Variants in DYM observed in about 807,000 individuals in gnomAD.
DYM encodes dyggve-Melchior-Clausen syndrome protein.
A neutral mutation model predicts 93.1 loss-of-function variants in DYM; 78 were observed. That is an observed-to-expected ratio of 0.84 (90% CI 0.70 to 1.01). The LOEUF (loss-of-function observed/expected upper bound fraction) is 1.01, where lower values mean the gene tolerates loss of function less well. Among genes scored for constraint, DYM ranks in the 50% least tolerant of loss-of-function variants. DYM has a pLI of 0.00. For synonymous variants in DYM, 321 were observed against 319.7 expected, an observed-to-expected ratio of 1.00 and a Z score of -0.04; for missense variants, 789 against 845.0, an observed-to-expected ratio of 0.93 and a Z score of 0.82.
At chr18:49,134,131 GA>G (rs1382512920) in intron 15 of DYM, among the ~76,000 whole-genome samples, 2 of 152,160 alleles carry the variant, frequency 1.3e-5, no homozygotes, top group African/African-American at 4.8e-5. Context: ...ATTTACTGAA[GA>G]ATCTGGGTGG....
intron 17 of DYM, among the ~76,000 whole-genome samples, chr18:49,064,209 CAA>C (rs930277199): frequency 3.9e-4 from 60 of 152,262 alleles, no homozygotes; most frequent in Non-Finnish European, 1.3e-4. Context: ...CTAATCAGAA[CAA>C]CTGCCATGCC....
intron 5 of DYM, among the ~76,000 whole-genome samples, chr18:49,370,659 C>G (rs146370799): frequency 6.6e-6 from 1 of 151,820 alleles, no homozygotes; most frequent in Non-Finnish European, 1.5e-5. Context: ...CCCAGCTACT[C>G]GGGAGGCTAA....
chr18:49,459,679 C>T (rs2083307896), intron 1 of DYM, among the ~76,000 whole-genome samples: 1 of 152,096 alleles, frequency 6.6e-6, no homozygotes, highest in African/African-American at 2.4e-5. Context: ...CTTTGCTGGC[C>T]GATTACAATC....
chr18:49,376,976 C>T (rs2067561151), intron 5 of DYM, among the ~76,000 whole-genome samples: 1 of 152,148 alleles, frequency 6.6e-6, no homozygotes, highest in African/African-American at 2.4e-5. Context: ...AGTTGCTCAA[C>T]AGTATGTGTA....
chr18:49,121,215 A>G (rs2082350997), intron 15 of DYM, among the ~76,000 whole-genome samples: 1 of 152,234 alleles, frequency 6.6e-6, no homozygotes, highest in Non-Finnish European at 1.5e-5. Flanking sequence ...ACAAATGGTA[A>G]TGCTAGAAAT....
At chr18:49,259,456 A>G (rs1452330177) in intron 11 of DYM, among the ~76,000 whole-genome samples, 1 of 152,222 alleles carries the variant, frequency 6.6e-6, no homozygotes, top group Non-Finnish European at 1.5e-5. Flanking sequence ...CAGATAACCC[A>G]GTTTCTTCAA....
At chr18:49,171,579 T>TA (rs1190826504) in intron 14 of DYM, among the ~76,000 whole-genome samples, 19 of 151,646 alleles carry the variant, frequency 1.3e-4, no homozygotes, top group East Asian at 5.8e-4. Context: ...CAATAAAAAA[T>TA]TAAAAAAACC....
At chr18:49,275,208 T>C (rs1388035207) in intron 10 of DYM, among the ~76,000 whole-genome samples, 3 of 152,166 alleles carry the variant, frequency 2.0e-5, no homozygotes, top group Non-Finnish European at 4.4e-5. Context: ...GTGGCACCAG[T>C]ACCATTTGTT....
At chr18:49,265,205 G>C (rs1403512049) in intron 11 of DYM, among the ~76,000 whole-genome samples, 2 of 152,116 alleles carry the variant, frequency 1.3e-5, no homozygotes, top group Non-Finnish European at 2.9e-5. Context: ...AGGTGTACTG[G>C]GGTCAATGAT....
intron 6 of DYM, among the ~76,000 whole-genome samples, chr18:49,352,570 G>A (rs967305817): frequency 6.6e-6 from 1 of 151,622 alleles, no homozygotes; most frequent in Admixed American, 6.6e-5. Flanking sequence ...GAACTTGAGA[G>A]GGATGTAATT....
intron 13 of DYM, among the ~76,000 whole-genome samples, chr18:49,231,116 G>C (rs2093681302): frequency 6.6e-6 from 1 of 152,170 alleles, no homozygotes; most frequent in Non-Finnish European, 1.5e-5. Context: ...AGAACCTTAA[G>C]ATCAACCTCA....
chr18:49,407,394 A>G (rs1282508415), intron 2 of DYM, among the ~76,000 whole-genome samples: 2 of 152,224 alleles, frequency 1.3e-5, no homozygotes, highest in Non-Finnish European at 2.9e-5. Flanking sequence ...TTTATAAAGA[A>G]AAGAGGTTTA....
At chr18:49,077,708 C>T (rs1355936932) in intron 17 of DYM, among the ~76,000 whole-genome samples, 2 of 152,234 alleles carry the variant, frequency 1.3e-5, no homozygotes, top group Non-Finnish European at 2.9e-5. Flanking sequence ...TCCCTGTGAT[C>T]ATTATGAAGT....
At chr18:49,409,973 T>C (rs1011273173) in intron 2 of DYM, among the ~76,000 whole-genome samples, 2 of 152,236 alleles carry the variant, frequency 1.3e-5, no homozygotes, top group Non-Finnish European at 2.9e-5. Flanking sequence ...CTTTAGTGGT[T>C]TCTATCATCC....
intron 8 of DYM, among the ~76,000 whole-genome samples, chr18:49,324,346 CT>C (rs1231222044): frequency 6.6e-6 from 1 of 151,892 alleles, no homozygotes; most frequent in Admixed American, 6.6e-5. Context: ...TTATGAAAAT[CT>C]TTAATTGGCA....
At chr18:49,363,457 G>C (rs1388096656) in intron 5 of DYM, among the ~76,000 whole-genome samples, 1 of 152,136 alleles carries the variant, frequency 6.6e-6, no homozygotes, top group Non-Finnish European at 1.5e-5. Context: ...TAATAATACA[G>C]CTTTTAAAGC....
intron 17 of DYM, among the ~76,000 whole-genome samples, chr18:49,060,983 C>T (rs2075946064): frequency 1.3e-5 from 2 of 151,884 alleles, no homozygotes; most frequent in South Asian, 2.1e-4. Context: ...GGGGCATGAA[C>T]AAAAAAGTCC....
At chr18:49,226,305 A>T (rs1006777788) in intron 13 of DYM, among the ~76,000 whole-genome samples, 3 of 152,146 alleles carry the variant, frequency 2.0e-5, no homozygotes, top group Admixed American at 2.0e-4. Context: ...TATTACCAGC[A>T]TTCCTTCCTA....
intron 1 of DYM, among the ~76,000 whole-genome samples, chr18:49,459,394 A>G (rs2148775957): frequency 6.6e-6 from 1 of 152,258 alleles, no homozygotes; most frequent in Middle Eastern, 3.4e-3. Flanking sequence ...AAATCCATAT[A>G]TTCATAAATT....
Sources: allele counts gnomAD v4.1 joint callset (sites outside exome capture counted in the v4.1 genomes callset), GRCh38; gene constraint gnomAD v4.1.1; transcripts MANE v1.5; gene names NCBI Gene and HGNC (gene_info 2026-07-23, HGNC 2026-07-21).